TMEM245: variants seen among roughly 807,000 people sequenced by gnomAD.
TMEM245 encodes the protein transmembrane protein 245, also known as protein CG-2.
TMEM245 carries 69 observed loss-of-function variants against 101.2 expected under a neutral mutation model. The ratio of observed to expected loss-of-function variants is 0.68; its 90% CI spans 0.56 to 0.83. The LOEUF (loss-of-function observed/expected upper bound fraction) is 0.83. TMEM245 is among the 40% of genes least tolerant of loss of function. The pLI is 0.00. For synonymous variants in TMEM245, 537 were observed against 449.8 expected (o/e 1.19, Z -2.45); for missense variants, 1,075 against 1,092.8 (o/e 0.98, Z 0.23).
intron 17 of TMEM245, among the ~76,000 whole-genome samples, chr9:109,029,145 G>A (rs1425235371): frequency 2.0e-5 from 3 of 152,076 alleles, no homozygotes; most frequent in Non-Finnish European, 2.9e-5. Flanking sequence ...AGATAAAGTT[G>A]AAGAAATCAC....
intron 7 of TMEM245, among the ~76,000 whole-genome samples, chr9:109,083,895 A>G (rs540673266): frequency 2.3e-4 from 27 of 119,612 alleles, no homozygotes; most frequent in African/African-American, 8.6e-4. Context: ...ATCTCTACTA[A>G]AAATACAAAA....
intron 2 of TMEM245, among the ~76,000 whole-genome samples, chr9:109,108,123 C>T (rs1447658754): frequency 2.6e-5 from 4 of 152,138 alleles, no homozygotes; most frequent in African/African-American, 9.7e-5. Context: ...TCACACATGT[C>T]TCTGAGCACC....
chr9:109,097,056 C>T (rs577922910), intron 3 of TMEM245, among the ~76,000 whole-genome samples: 16 of 152,264 alleles, frequency 1.1e-4, no homozygotes, highest in South Asian at 4.1e-4. Context: ...TAGGGAGCAG[C>T]GTGGAAATCA....
chr9:109,106,908 C>T (rs1381330439), intron 2 of TMEM245, among the ~76,000 whole-genome samples: 1 of 152,022 alleles, frequency 6.6e-6, no homozygotes, highest in Non-Finnish European at 1.5e-5. Context: ...CTAAAACCAT[C>T]CCGAACTCAA....
At chr9:109,061,635 C>G (rs537947699) in intron 10 of TMEM245, among the ~76,000 whole-genome samples, 2 of 150,860 alleles carry the variant, frequency 1.3e-5, no homozygotes, top group South Asian at 4.2e-4. Flanking sequence ...GGCGCGATCT[C>G]GACTCTCATT....
At chr9:109,073,075 A>G (rs1340431803) in intron 9 of TMEM245, among the ~76,000 whole-genome samples, 1 of 152,232 alleles carries the variant, frequency 6.6e-6, no homozygotes, top group African/African-American at 2.4e-5. Context: ...AACAAATGAC[A>G]TAAGACAGAT....
At chr9:109,092,239 A>G (rs1356345772) in intron 4 of TMEM245, among the ~76,000 whole-genome samples, 2 of 152,240 alleles carry the variant, frequency 1.3e-5, no homozygotes, top group Admixed American at 6.5e-5. Flanking sequence ...TGCTCACTAA[A>G]TAAGTGAATG....
intron 10 of TMEM245, among the ~76,000 whole-genome samples, chr9:109,064,072 G>A (rs562434386): frequency 6.6e-6 from 1 of 152,038 alleles, no homozygotes; most frequent in Admixed American, 6.5e-5. Flanking sequence ...CATACTGCAG[G>A]CTTCTTAGAA....
At position 109,073,416 on chromosome 9, in the gene TMEM245, A is replaced by T; in HGVS notation, c.1472T>A (p.Met491Lys). ...TAKVHQESVH[M>K]IEVTSNLINE... is the part of the protein sequence containing the mutation. ...AATCAAATTACTTGTGACTTCAATC[A>T]TGTGTACACTCTCTTGATGTACCTG... Residue 491 changes from methionine to lysine, a missense_variant, in exon 9 of 18, where the codon ATG (methionine) becomes AAG (lysine). Around this residue, in one of 2 missense-constraint regions of TMEM245, gnomAD observed 808 missense variants for 741.5 expected, o/e 1.09. Coordinates refer to ENST00000374586, the MANE Select transcript of TMEM245 (RefSeq NM_032012.4). The T allele has an allele frequency of 6.2e-7, 1 of 1,612,010 alleles. No homozygotes were observed. Among genetic ancestry groups the T allele is most frequent in the Non-Finnish European group, 8.5e-7 (1 of 1,178,952 alleles).
intron 3 of TMEM245, among the ~76,000 whole-genome samples, chr9:109,098,366 G>C (rs915638123): frequency 8.5e-5 from 13 of 152,132 alleles, no homozygotes; most frequent in African/African-American, 3.1e-4. Flanking sequence ...CATTTTTCGA[G>C]CACCTCAGAC....
At chr9:109,106,174 A>T (rs889451369) in intron 3 of TMEM245, among the ~76,000 whole-genome samples, 1 of 145,016 alleles carries the variant, frequency 6.9e-6, no homozygotes, top group Non-Finnish European at 1.5e-5. Flanking sequence ...ACAGTGAGCT[A>T]TGATTGTGCC....
intron 14 of TMEM245, among the ~76,000 whole-genome samples, chr9:109,047,525 T>A (rs1198647693): frequency 6.6e-6 from 1 of 152,146 alleles, no homozygotes; most frequent in Non-Finnish European, 1.5e-5. Context: ...TGAACCTAGG[T>A]GTGACTAACA....
chr9:109,118,912 G>A (rs575238732), intron 1 of TMEM245, among the ~76,000 whole-genome samples: 4 of 152,326 alleles, frequency 2.6e-5, no homozygotes, highest in African/African-American at 9.6e-5. Context: ...AGGATGGCAA[G>A]TTGGCCTAGA....
At chr9:109,071,239 T>G (rs1355772032) in intron 9 of TMEM245, among the ~76,000 whole-genome samples, 2 of 152,158 alleles carry the variant, frequency 1.3e-5, no homozygotes, top group African/African-American at 4.8e-5. Flanking sequence ...TAGTCCATTT[T>G]TTTTAATGCT....
intron 1 of TMEM245, among the ~76,000 whole-genome samples, chr9:109,113,999 C>A (rs1196015899): frequency 6.6e-6 from 1 of 152,126 alleles, no homozygotes; most frequent in Non-Finnish European, 1.5e-5. Context: ...TCACTTGAAC[C>A]CGGGAGGCAG....
intron 14 of TMEM245, among the ~76,000 whole-genome samples, chr9:109,043,292 C>A (rs2132353700): frequency 6.6e-6 from 1 of 152,202 alleles, no homozygotes; most frequent in East Asian, 1.9e-4. Flanking sequence ...ACGTGGACTT[C>A]TGGCATTCCC....
chr9:109,062,272 C>T (rs1008341332), intron 10 of TMEM245, among the ~76,000 whole-genome samples: 1 of 152,186 alleles, frequency 6.6e-6, no homozygotes, highest in African/African-American at 2.4e-5. Flanking sequence ...GCTGGGATTA[C>T]AGGCATGAGC....
At chr9:109,073,573 A>G in intron 8 of TMEM245, 135 bp from the exon 9 acceptor site, 1 of 636,470 alleles carries the variant, frequency 1.6e-6, no homozygotes, top group Non-Finnish European at 2.7e-6. Flanking sequence ...TTAATTTAGA[A>G]ACATGCAGCG....
At chr9:109,083,077 T>C (rs1208545198) in intron 7 of TMEM245, among the ~76,000 whole-genome samples, 1 of 151,240 alleles carries the variant, frequency 6.6e-6, no homozygotes, top group African/African-American at 2.4e-5. Flanking sequence ...GACTAAGATT[T>C]ATTCAAGAAT....
Sources: gnomAD v4.1 joint callset for allele counts (sites outside exome capture counted in the v4.1 genomes callset) on GRCh38, gnomAD v4.1.1 for gene constraint, gnomAD v4.1.1 regional missense constraint, MANE v1.5 for transcripts, NCBI Gene and HGNC (gene_info 2026-07-23, HGNC 2026-07-21) for gene names.